The following SLC39A11 variants were observed in gnomAD, a reference collection of about 807,000 sequenced individuals.
SLC39A11 encodes solute carrier family 39 member 11.
In SLC39A11, 33 loss-of-function variants were observed where a neutral mutation model predicts 36.1. That is an observed-to-expected ratio of 0.91 (90% confidence interval 0.69 to 1.22). The LOEUF is 1.22. Among genes scored for constraint, SLC39A11 ranks in the 50% most tolerant of loss-of-function variants. The probability of loss-of-function intolerance (pLI) is 0.00; values close to 1 mark genes in which losing one functional copy is unlikely to be tolerated. For synonymous variants in SLC39A11, 166 were observed against 170.3 expected, an observed-to-expected ratio of 0.97 and a Z score of 0.20; for missense variants, 432 against 430.3, an observed-to-expected ratio of 1.00 and a Z score of -0.03.
intron 7 of SLC39A11, among the ~76,000 whole-genome samples, chr17:72,706,584 C>T (rs1008221100): frequency 6.6e-6 from 1 of 152,186 alleles, no homozygotes; most frequent in Non-Finnish European, 1.5e-5. Flanking sequence ...TAAACAGACC[C>T]AAGGAGACAA....
intron 4 of SLC39A11, among the ~76,000 whole-genome samples, chr17:73,017,201 T>C (rs1769210856): frequency 6.6e-6 from 1 of 152,198 alleles, no homozygotes; most frequent in Admixed American, 6.5e-5. Context: ...CCACTGTGAC[T>C]TCCTATTTTA....
At chr17:73,001,379 C>CA (rs1348406698) in intron 4 of SLC39A11, among the ~76,000 whole-genome samples, 1 of 123,290 alleles carries the variant, frequency 8.1e-6, no homozygotes, top group Non-Finnish European at 1.6e-5. Context: ...CACATGGACA[C>CA]AGGAAGGGGA....
chr17:73,057,187 A>G (rs2059696487), intron 3 of SLC39A11, among the ~76,000 whole-genome samples: 1 of 152,098 alleles, frequency 6.6e-6, no homozygotes, highest in Non-Finnish European at 1.5e-5. Context: ...GCTGGTCTTG[A>G]ACTCCTGGGC....
intron 6 of SLC39A11, chr17:72,823,767 G>C (rs1175205304): frequency 6.6e-6 from 1 of 151,414 alleles, no homozygotes. Flanking sequence ...GATCATTAAT[G>C]CTGCATTAGC....
chr17:72,702,825 T>C (rs2072711776), intron 7 of SLC39A11, among the ~76,000 whole-genome samples: 1 of 151,056 alleles, frequency 6.6e-6, no homozygotes, highest in Non-Finnish European at 1.5e-5. Flanking sequence ...TAATTCCAGC[T>C]ACTCAGGAGG....
chr17:72,832,687 T>G (rs1402841680), intron 6 of SLC39A11, among the ~76,000 whole-genome samples: 1 of 152,242 alleles, frequency 6.6e-6, no homozygotes, highest in Non-Finnish European at 1.5e-5. Context: ...TAATGGTTAT[T>G]TGCAGAAAAC....
rs115573853 is a variant in SLC39A11 at position 72,697,412 on chromosome 17, C to G, written c.671+39238G>C. 5.8e-3 allele frequency among the ~76,000 whole-genome samples: 889 copies of G among 152,260 alleles called. 8 individuals are homozygous for G. Among genetic ancestry groups the G allele is most frequent in the African/African-American group, 0.019 (793 of 41,540 alleles). ...TATTTCATTTTATTGCAAAAACTTT[C>G]CTGATTATCCCCAGATGAAGGTGTC... On this transcript the variant is annotated intron_variant, in intron 7 of 9. Coordinates refer to ENST00000255559, the MANE Select transcript of SLC39A11 (RefSeq NM_139177.4).
intron 7 of SLC39A11, among the ~76,000 whole-genome samples, chr17:72,680,892 T>A (rs2071483472): frequency 6.6e-6 from 1 of 152,244 alleles, no homozygotes; most frequent in Non-Finnish European, 1.5e-5. Flanking sequence ...TTCTACCTTC[T>A]GGCTATTGTA....
At chr17:73,027,236 T>C (rs1485708074) in intron 4 of SLC39A11, among the ~76,000 whole-genome samples, 11 of 152,172 alleles carry the variant, frequency 7.2e-5, no homozygotes, top group Non-Finnish European at 1.5e-5. Context: ...CAAACAGCTG[T>C]TCAGTGTCCT....
intron 7 of SLC39A11, among the ~76,000 whole-genome samples, chr17:72,701,796 GA>G (rs376856578): frequency 7.8e-4 from 39 of 49,724 alleles, no homozygotes; most frequent in African/African-American, 1.5e-3. Flanking sequence ...GGAAGGAAAA[GA>G]AAAAAAAAAA....
chr17:72,858,242 C>T (rs2079763691), intron 5 of SLC39A11, among the ~76,000 whole-genome samples: 1 of 152,114 alleles, frequency 6.6e-6, no homozygotes, highest in Non-Finnish European at 1.5e-5. Context: ...AGTCCTTTCC[C>T]AATTGCTTAT....
chr17:72,940,821 G>A (rs898241517), intron 5 of SLC39A11, among the ~76,000 whole-genome samples: 1 of 152,156 alleles, frequency 6.6e-6, no homozygotes, highest in African/African-American at 2.4e-5. Flanking sequence ...GCGCAACTAT[G>A]GCCTGAATCA....
chr17:72,656,549 G>T (rs772788065), intron 7 of SLC39A11, among the ~76,000 whole-genome samples: 1 of 151,472 alleles, frequency 6.6e-6, no homozygotes, highest in South Asian at 2.1e-4. Flanking sequence ...AGGGAGGGTC[G>T]ACAGGGCAGG....
At chr17:72,847,637 C>T (rs1242981991) in intron 6 of SLC39A11, among the ~76,000 whole-genome samples, 1 of 152,036 alleles carries the variant, frequency 6.6e-6, no homozygotes, top group Non-Finnish European at 1.5e-5. Flanking sequence ...ACACATAGTG[C>T]TTTCGGCAGA....
chr17:73,050,029 G>A lies in SLC39A11; in HGVS notation c.148-18315C>T, dbSNP rs138393675. Among the ~76,000 whole-genome samples the A allele has an allele frequency of 5.2e-3, 787 of 152,238 alleles. 19 individuals are homozygous for A. Among genetic ancestry groups the A allele is most frequent in the Admixed American group, 0.038 (589 of 15,302 alleles). On this transcript the variant is annotated intron_variant, in intron 3 of 9. Transcript: ENST00000255559. ...CCAGCTACTCAGGAGGCTGAGGCAC[G>A]AGAATCACTTGAACCCGGGAAGAAG...
rs1365577150 is a variant in SLC39A11 at position 73,026,422 on chromosome 17, G to A, written c.306+5134C>T. ...CCCAGATAGTTGGGAGACTGAGGCA[G>A]GAGAATCGCCTGAACCCGGGAGGGA... On this transcript the variant is annotated intron_variant, in intron 4 of 9. Coordinates refer to ENST00000255559, the MANE Select transcript of SLC39A11 (RefSeq NM_139177.4). Among the ~76,000 whole-genome samples the A allele has an allele frequency of 2.0e-5, 3 of 151,636 alleles. No individual in the cohort carries two copies. The East Asian group carries it at 5.8e-4, about 29-fold the overall frequency.
intron 6 of SLC39A11, chr17:72,838,122 T>C (rs1436775197): frequency 1.8e-5 from 8 of 450,660 alleles, no homozygotes; most frequent in African/African-American, 1.6e-4. Flanking sequence ...TTGTCTCTAC[T>C]GGAAGAAAAA....
chr17:72,822,732 C>T (rs1311165587), intron 6 of SLC39A11, among the ~76,000 whole-genome samples: 2 of 150,730 alleles, frequency 1.3e-5, no homozygotes, highest in African/African-American at 4.8e-5. Flanking sequence ...TCTTTCTTTT[C>T]TTTCTTTTTT....
rs143362105 is a variant in SLC39A11 at position 73,008,896 on chromosome 17, A to T, written c.306+22660T>A. Among the ~76,000 whole-genome samples, 1,095 of 152,152 alleles carry T rather than the reference A, an allele frequency of 7.2e-3. 6 individuals carry two copies. Among genetic ancestry groups the T allele is most frequent in the Middle Eastern group, 0.01 (3 of 294 alleles). ...TAGTGAGATGCTGTCACTACAAAAA[A>T]AAATAAATAAATAAAATAGGCAGGC... On this transcript the variant is annotated intron_variant, in intron 4 of 9. Transcript: ENST00000255559.
Sources: gnomAD v4.1 joint callset for allele counts (sites outside exome capture counted in the v4.1 genomes callset) on GRCh38, gnomAD v4.1.1 for gene constraint, MANE v1.5 for transcripts, NCBI Gene and HGNC (gene_info 2026-07-23, HGNC 2026-07-21) for gene names.